Variants in P2RX5 observed in about 807,000 individuals in gnomAD.
The protein encoded by P2RX5 is purinergic receptor P2X 5.
Under a neutral mutation model 54.1 loss-of-function variants are expected in P2RX5, and 46 were observed. That is an observed-to-expected ratio of 0.85 (90% CI 0.67 to 1.09). P2RX5 has a LOEUF of 1.09. Ranked by LOEUF, P2RX5 falls within the 50% of genes least tolerant of loss-of-function variation. The pLI is 0.00. For missense variants in P2RX5, 566 were observed against 549.8 expected (o/e 1.03, Z -0.29); for synonymous variants, 226 against 226.4 (o/e 1.00, Z 0.02).
chr17:3,715,031 C>T, the P2RX5 span: 1 of 711,384 alleles, frequency 1.4e-6, no homozygotes. Context: ...CCTAAATAGC[C>T]CCTATATTCC....
intron 2 of P2RX5, among the ~76,000 whole-genome samples, 177 bp downstream of exon 2, chr17:3,691,467 G>T (rs1037848889): frequency 6.6e-6 from 1 of 152,238 alleles, no homozygotes; most frequent in Non-Finnish European, 1.5e-5. Context: ...GAGGGCAGGG[G>T]TTTGGCATGG....
At chr17:3,705,858 C>A in the P2RX5 span, among the ~76,000 whole-genome samples, 2 of 151,968 alleles carry the variant, frequency 1.3e-5, no homozygotes, top group Non-Finnish European at 2.9e-5. Flanking sequence ...TGCAGTGGCA[C>A]AATCATGGCT....
At chr17:3,708,595 C>T in the P2RX5 span, among the ~76,000 whole-genome samples, 1 of 152,192 alleles carries the variant, frequency 6.6e-6, no homozygotes, top group Non-Finnish European at 1.5e-5. Context: ...CAAGTTCACG[C>T]TGCTGATAAC....
chr17:3,722,737 G>A, the P2RX5 span, among the ~76,000 whole-genome samples: 1 of 152,178 alleles, frequency 6.6e-6, no homozygotes, highest in Non-Finnish European at 1.5e-5. Context: ...GTACTGCCTT[G>A]CTCTGGCCAT....
At chr17:3,691,875 C>A in intron 1 of P2RX5, 81 bp from the exon 2 acceptor site, 2 of 1,438,008 alleles carry the variant, frequency 1.4e-6, no homozygotes, top group Non-Finnish European at 2.0e-6. Context: ...GGTGGGGTAG[C>A]AGTCACAGCA....
chr17:3,702,087 A>T, the P2RX5 span, among the ~76,000 whole-genome samples: 1 of 152,136 alleles, frequency 6.6e-6, no homozygotes, highest in Non-Finnish European at 1.5e-5. Flanking sequence ...GGTCGAGTGA[A>T]GACTTGGAGA....
the P2RX5 span, among the ~76,000 whole-genome samples, chr17:3,708,087 G>A: frequency 6.8e-5 from 10 of 147,408 alleles, no homozygotes; most frequent in African/African-American, 2.5e-4. Flanking sequence ...AAAACACCAG[G>A]AATCTCCTCC....
At chr17:3,699,785 A>G (rs1299217702), upstream of P2RX5, among the ~76,000 whole-genome samples, 4 of 150,586 alleles carry the variant, frequency 2.7e-5, no homozygotes, top group Non-Finnish European at 5.9e-5. Flanking sequence ...AGCCTGGGTG[A>G]CAGAGTGATA....
chr17:3,693,220 C>T (rs957498602), intron 1 of P2RX5, among the ~76,000 whole-genome samples: 4 of 149,976 alleles, frequency 2.7e-5, no homozygotes, highest in African/African-American at 7.4e-5. Context: ...TAGGGAAATA[C>T]AAATCAAAAC....
upstream of P2RX5, among the ~76,000 whole-genome samples, chr17:3,699,095 C>CACACACACACACACACATATA (rs60173844): frequency 2.0e-5 from 2 of 100,192 alleles, no homozygotes; most frequent in African/African-American, 8.7e-5. Flanking sequence ...ACACACACAC[C>CACACACACACACACACATATA]TATATATATA....
chr17:3,712,608 G>C, the P2RX5 span, among the ~76,000 whole-genome samples: 2 of 152,170 alleles, frequency 1.3e-5, no homozygotes, highest in African/African-American at 4.8e-5. Flanking sequence ...AAATAAAATT[G>C]TCTCCTTAGA....
rs373262268 is a variant in P2RX5 at position 3,677,961 on chromosome 17, C to G, written c.1259+1629G>C. 2.2e-5 allele frequency: 22 copies of G among 985,452 alleles called. 1 individual carries two copies. In the African/African-American group the frequency reaches 2.6e-4, roughly 12 times the overall value. The allele number at this position is 985,452 out of a possible 1,614,324, so 61.0% of individuals were successfully genotyped here. The stretch of plus-strand genomic sequence containing the variant: ...AGATCCCAAAGTTCAGGAGAGATGG[C>G]TGTGCCTGGAAGCCCCTGTCTCATG... On this transcript the variant is annotated intron_variant, in intron 11 of 11. Coordinates refer to ENST00000225328, the MANE Select transcript of P2RX5 (RefSeq NM_002561.4).
chr17:3,703,370 A>G, the P2RX5 span, among the ~76,000 whole-genome samples: 1 of 152,218 alleles, frequency 6.6e-6, no homozygotes, highest in East Asian at 1.9e-4. Context: ...AACAAAAAAC[A>G]TTAAAAAATT....
intron 9 of P2RX5, among the ~76,000 whole-genome samples, chr17:3,684,934 C>T (rs2142998847): frequency 6.6e-6 from 1 of 151,564 alleles, no homozygotes; most frequent in African/African-American, 2.4e-5. Context: ...CAACCTCCTC[C>T]TCCCGGGTTC....
At position 3,677,792 on chromosome 17, in the gene P2RX5, G is replaced by T. The variant is rs1039149145; in HGVS notation, c.1259+1798C>A. The T allele has an allele frequency of 3.0e-6, 3 of 985,234 alleles. No homozygotes were observed. The African/African-American group carries it at 5.2e-5, about 17-fold the overall frequency. The allele number at this position is 985,234 out of a possible 1,614,324, so 61.0% of individuals were successfully genotyped here. ...ATGAGTGAAGGTGCAGCCAGGTTGA[G>T]GGAAAATCCAAACACTCCACTTCCG... On this transcript the variant is annotated intron_variant, in intron 11 of 11. Transcript: ENST00000225328.
intron 11 of P2RX5, chr17:3,676,174 C>G (rs1178367908): frequency 2.0e-6 from 2 of 985,398 alleles, no homozygotes; most frequent in East Asian, 2.3e-4. Context: ...CTCCAGGTTT[C>G]TCACCTTGGG....
At chr17:3,689,763 G>A (rs2050549249) in intron 6 of P2RX5, 133 bp from the exon 7 acceptor site, 1 of 1,233,212 alleles carries the variant, frequency 8.1e-7, no homozygotes, top group African/African-American at 1.5e-5. Flanking sequence ...TTACAGCAGG[G>A]GAAGGGGCGC....
the P2RX5 span, among the ~76,000 whole-genome samples, chr17:3,710,842 C>T: frequency 6.6e-6 from 1 of 152,092 alleles, no homozygotes; most frequent in Non-Finnish European, 1.5e-5. Context: ...GCATGAGAAT[C>T]GATTGAACCC....
At chr17:3,677,793 G>C in intron 11 of P2RX5, 8 of 985,342 alleles carry the variant, frequency 8.1e-6, no homozygotes, top group Non-Finnish European at 9.6e-6. Context: ...CCAGGTTGAG[G>C]GAAAATCCAA....
Sources: allele counts gnomAD v4.1 joint callset (sites outside exome capture counted in the v4.1 genomes callset), GRCh38; gene constraint gnomAD v4.1.1; transcripts MANE v1.5; gene names NCBI Gene and HGNC (gene_info 2026-07-23, HGNC 2026-07-21).